LRRC34: variants seen among roughly 807,000 people sequenced by gnomAD.
The protein encoded by LRRC34 is leucine-rich repeat-containing protein 34.
A neutral mutation model predicts 48.5 loss-of-function variants in LRRC34; 44 were observed. That is an observed-to-expected ratio of 0.91 (90% CI 0.71 to 1.17). The LOEUF is 1.17. Ranked by LOEUF, LRRC34 falls within the 50% of genes most tolerant of loss-of-function variation. The pLI is 0.00. For missense variants in LRRC34, 502 were observed against 563.0 expected (o/e 0.89, Z 1.10); for synonymous variants, 192 against 197.6 (o/e 0.97, Z 0.24).
rs760997789 is a variant in LRRC34, at chr3:169,793,706, T to A, written c.1324A>T (p.Thr442Ser). The A allele has an allele frequency of 1.9e-6, 3 of 1,613,834 alleles. No individual in the cohort carries two copies. The South Asian group carries it at 3.3e-5, about 18-fold the overall frequency. ...GAGTGGTCATAAGATTCTCCATAAG[T>A]TGATGTCCAATAATAATGCTTTTTA... ...GLKKHYYWTS[T>S]YGESYDHSSN... The change falls in exon 11 of 11, where the codon ACT becomes TCT. Residue 442 changes from threonine (T) to serine (S), a missense_variant. Transcript: ENST00000446859.
intron 6 of LRRC34, among the ~76,000 whole-genome samples, chr3:169,802,537 A>G (rs1477828236): frequency 6.6e-6 from 1 of 152,232 alleles, no homozygotes; most frequent in African/African-American, 2.4e-5. Context: ...CAACTAAAAT[A>G]TAAGTTTCAT....
In LRRC34 at chr3:169,799,747, C is replaced by G. The variant is rs908386693; in HGVS notation, c.753+912G>C. Among the ~76,000 whole-genome samples the G allele has an allele frequency of 2.6e-5, 4 of 152,340 alleles. 1 individual carries two copies. Among genetic ancestry groups the G allele is most frequent in the Admixed American group, 2.6e-4 (4 of 15,310 alleles). ...ATTGAGATGAAGATGAAGTCTCGCT[C>G]TGTCGCCCACGCTGGAGTGCAGTGG... is the stretch of plus-strand genomic sequence containing the variant. On this transcript the variant is annotated intron_variant, in intron 7 of 10. Transcript: ENST00000446859.
chr3:169,802,656 A>G (rs1779235306), intron 6 of LRRC34, among the ~76,000 whole-genome samples: 1 of 152,098 alleles, frequency 6.6e-6, no homozygotes, highest in Non-Finnish European at 1.5e-5. Flanking sequence ...CCAGAACCAC[A>G]CTGGCTGCAT....
chr3:169,807,761 C>T, intron 2 of LRRC34, 52 bp from the exon 3 acceptor site: 2 of 1,479,180 alleles, frequency 1.4e-6, no homozygotes, highest in Non-Finnish European at 1.8e-6. Context: ...AAATAGAAAC[C>T]CAGTAAAGAA....
At chr3:169,797,520 A>G (rs774788005) in intron 7 of LRRC34, among the ~76,000 whole-genome samples, 11 of 152,192 alleles carry the variant, frequency 7.2e-5, no homozygotes, top group Non-Finnish European at 1.2e-4. Flanking sequence ...CATGGCATCA[A>G]TGAAGATTTG....
chr3:169,798,189 C>T (rs566853152), intron 7 of LRRC34, among the ~76,000 whole-genome samples: 83 of 152,280 alleles, frequency 5.5e-4, no homozygotes, highest in African/African-American at 1.9e-3. Flanking sequence ...AAACTCAGTA[C>T]GTTTTTGTGT....
intron 5 of LRRC34, among the ~76,000 whole-genome samples, chr3:169,805,789 C>T (rs554696395): frequency 6.7e-6 from 1 of 149,258 alleles, no homozygotes; most frequent in South Asian, 2.1e-4. Flanking sequence ...GAGGCTGAGG[C>T]AGGAGAATTG....
At position 169,807,469 on chromosome 3, in the gene LRRC34, A is replaced by T. The variant is rs116834821; in HGVS notation, c.401T>A (p.Leu134His). ...YINGLDVGYNLLCDVGAYYAA... is the reference protein window; with the variant it reads ...YINGLDVGYNHLCDVGAYYAA... ...ATAGTATGCACCAACATCACATAGA[A>T]GGTTATATCCAACATCCAAACCTGA... Residue 134 changes from leucine (L) to histidine (H), a missense_variant, in exon 4 of 11, where the codon CTT becomes CAT. Leu to His is a moderately conservative substitution (Grantham distance 99). Transcript: ENST00000446859. 7 of 1,614,064 alleles carry T rather than the reference A, an allele frequency of 4.3e-6. No homozygotes were observed. The highest frequency in any genetic ancestry group is 4.0e-5 in the African/African-American group (3 of 75,050).
chr3:169,805,991 C>A (rs1234319592), intron 5 of LRRC34, among the ~76,000 whole-genome samples: 2 of 151,834 alleles, frequency 1.3e-5, no homozygotes, highest in Non-Finnish European at 2.9e-5. Context: ...CAACACAATC[C>A]TGAAAAAAGA....
chr3:169,810,843 T>C (rs899936730), intron 1 of LRRC34, among the ~76,000 whole-genome samples: 3 of 152,204 alleles, frequency 2.0e-5, no homozygotes. Flanking sequence ...GGCGAGCGGA[T>C]CACTTGAGGC....
intron 6 of LRRC34, among the ~76,000 whole-genome samples, chr3:169,803,303 C>A (rs987852346): frequency 2.0e-5 from 3 of 152,214 alleles, no homozygotes; most frequent in African/African-American, 7.2e-5. Flanking sequence ...TAACCTCAAA[C>A]TCCTGGGCTC....
chr3:169,798,476 G>A (rs1779074933), intron 7 of LRRC34, among the ~76,000 whole-genome samples: 2 of 152,144 alleles, frequency 1.3e-5, no homozygotes, highest in African/African-American at 4.8e-5. Flanking sequence ...TAGATTTGCA[G>A]GTTTGTATTT....
chr3:169,800,749 C>A lies in LRRC34; in HGVS notation c.663G>T (p.Met221Ile). The A allele has an allele frequency of 6.5e-7, 1 of 1,532,258 alleles. No individual in the cohort carries two copies. The highest frequency in any genetic ancestry group is 8.7e-7 in the Non-Finnish European group (1 of 1,145,098). The allele number at this position is 1,532,258 out of a possible 1,614,324, so 94.9% of individuals were successfully genotyped here. Reference protein sequence around the residue: ...KLDLGDCDLGMQSVIAFATVL... With the variant: ...KLDLGDCDLGIQSVIAFATVL... ...CTGTAGCAAATGCTATCACACTTTG[C>A]ATTCCCTAAAAACAGGTAAATTCAT... Residue 221 changes from methionine (M) to isoleucine (I), a missense_variant, in exon 7 of 11, where the codon ATG becomes ATT. Transcript: ENST00000446859.
At chr3:169,811,417 T>TA (rs1779564210) in intron 1 of LRRC34, among the ~76,000 whole-genome samples, 1 of 152,252 alleles carries the variant, frequency 6.6e-6, no homozygotes, top group South Asian at 2.1e-4. Flanking sequence ...TCCTTTGATT[T>TA]AAAATTCACC....
intron 2 of LRRC34, 114 bp from the exon 3 acceptor site, chr3:169,807,823 A>C: frequency 8.2e-7 from 1 of 1,220,392 alleles, no homozygotes; most frequent in South Asian, 1.7e-5. Context: ...GATATCATTT[A>C]CTGGAAGCAA....
chr3:169,806,795 CAG>C (rs1459081255), intron 5 of LRRC34, 51 bp downstream of exon 5: 4 of 1,124,864 alleles, frequency 3.6e-6, no homozygotes, highest in Non-Finnish European at 5.3e-6. Context: ...TCCAAGCTAT[CAG>C]AAGTTAGAAT....
chr3:169,795,852 G>A (rs551100481), intron 9 of LRRC34: 20 of 1,180,032 alleles, frequency 1.7e-5, no homozygotes, highest in Non-Finnish European at 2.0e-5. Flanking sequence ...TGTTTGGGTG[G>A]ATAGCAGATA....
chr3:169,812,331 G>A lies in LRRC34; in HGVS notation c.139+79C>T, dbSNP rs1779615958. On this transcript the variant is annotated intron_variant, in intron 1 of 10. Coordinates refer to ENST00000446859, the MANE Select transcript of LRRC34 (RefSeq NM_001172779.2). The surrounding 1 kb of genome is among the most constrained non-coding windows in gnomAD (Gnocchi z 4.3). The stretch of plus-strand genomic sequence containing the variant: ...CCTTGGGCTGGCGGGCTGCTGGGAG[G>A]ACTCCTGCCGTGCGACCCCGGCGCC... 2.1e-6 allele frequency: 3 copies of A among 1,442,416 alleles called. No individual in the cohort carries two copies. The highest frequency in any genetic ancestry group is 2.7e-6 in the Non-Finnish European group (3 of 1,101,026). The allele number at this position is 1,442,416 out of a possible 1,614,324, so 89.4% of individuals were successfully genotyped here.
At chr3:169,802,988 A>C (rs1779249620) in intron 6 of LRRC34, among the ~76,000 whole-genome samples, 2 of 151,970 alleles carry the variant, frequency 1.3e-5, no homozygotes, top group South Asian at 4.1e-4. Context: ...CAAAAAAAAA[A>C]AAAGTTAATC....
Sources: allele counts gnomAD v4.1 joint callset (sites outside exome capture counted in the v4.1 genomes callset), GRCh38; gene constraint gnomAD v4.1.1; non-coding constraint Gnocchi (gnomAD v3.1); transcripts MANE v1.5; gene names NCBI Gene and HGNC (gene_info 2026-07-23, HGNC 2026-07-21).